Variants in MYH9 observed in about 807,000 individuals in gnomAD.
The protein encoded by MYH9 is myosin-9.
A neutral mutation model predicts 241.9 loss-of-function variants in MYH9; 29 were observed. That is an observed-to-expected ratio of 0.12 (90% CI 0.09 to 0.16). The LOEUF (loss-of-function observed/expected upper bound fraction) is 0.16, where lower values mean the gene tolerates loss of function less well. MYH9 is among the 10% of genes least tolerant of loss of function. MYH9 has a pLI of 1.00. For synonymous variants in MYH9, 1,047 were observed against 1,062.6 expected (o/e 0.99, Z 0.29); for missense variants, 1,803 against 2,595.5 (o/e 0.69, Z 6.63).
At chr22:36,328,232 A>ACTAT (rs1452079279) in intron 3 of MYH9, among the ~76,000 whole-genome samples, 1 of 152,238 alleles carries the variant, frequency 6.6e-6, no homozygotes, top group African/African-American at 2.4e-5. Flanking sequence ...ACTTTCAGCA[A>ACTAT]CTATCAACAG....
chr22:36,316,763 C>T (rs1384393474), intron 11 of MYH9, 94 bp from the exon 12 acceptor site: 23 of 1,485,348 alleles, frequency 1.5e-5, no homozygotes, highest in Non-Finnish European at 2.1e-5. Flanking sequence ...TAGAGTCCTC[C>T]CCCTAGAGGA....
At chr22:36,357,787 T>C (rs1397608917) in intron 1 of MYH9, among the ~76,000 whole-genome samples, 1 of 152,188 alleles carries the variant, frequency 6.6e-6, no homozygotes, top group Non-Finnish European at 1.5e-5. Context: ...CACCAAGGAA[T>C]GACAGCTCCT....
At position 36,285,791 on chromosome 22, in the gene MYH9, G is replaced by A. The variant is rs773882578; in HGVS notation, c.5151-10C>T. On this transcript the variant is annotated splice_polypyrimidine_tract_variant and intron_variant, in intron 36 of 40. Transcript: ENST00000216181. This position sits in a 1 kb window ranked among gnomAD's most constrained non-coding sequence, Gnocchi z 7.0. Reference sequence around the variant, plus strand: ...CTCTAACGCCAGGGCTCTGCGGGGTGGGCGGGAGAAGTGAGGGGCCTACCC... The same window carrying A: ...CTCTAACGCCAGGGCTCTGCGGGGTAGGCGGGAGAAGTGAGGGGCCTACCC... 1.2e-6 allele frequency: 2 copies of A among 1,609,848 alleles called. No homozygotes were observed. Among genetic ancestry groups the A allele is most frequent in the East Asian group, 2.2e-5 (1 of 44,640 alleles).
chr22:36,307,750 T>C (rs2016994176), intron 15 of MYH9, among the ~76,000 whole-genome samples: 1 of 152,072 alleles, frequency 6.6e-6, no homozygotes. Context: ...TAGCTGGGCG[T>C]GGTGGCGGGT....
intron 1 of MYH9, chr22:36,365,176 T>C (rs151169793): frequency 2.6e-5 from 4 of 152,322 alleles, no homozygotes; most frequent in African/African-American, 9.6e-5. Context: ...AATGAGTCAG[T>C]CACAGACGCT....
At chr22:36,289,465 G>A (rs1228690741) in intron 31 of MYH9, among the ~76,000 whole-genome samples, 168 bp from the exon 32 acceptor site, 2 of 152,232 alleles carry the variant, frequency 1.3e-5, no homozygotes, top group South Asian at 2.1e-4. Context: ...ACACAGTCCC[G>A]TGCATCCTCA....
chr22:36,356,383 C>A (rs994888962), intron 1 of MYH9, among the ~76,000 whole-genome samples: 1 of 151,362 alleles, frequency 6.6e-6, no homozygotes, highest in African/African-American at 2.4e-5. Context: ...GAGTTTGAGA[C>A]CAGCCTGGCC....
chr22:36,354,799 A>G (rs1178751689), intron 1 of MYH9, among the ~76,000 whole-genome samples: 2 of 152,094 alleles, frequency 1.3e-5, no homozygotes, highest in Non-Finnish European at 2.9e-5. Context: ...GGGAGAAAAG[A>G]ACATACAAAC....
chr22:36,302,669 C>A lies in MYH9; in HGVS notation c.2398G>T (p.Ala800Ser), dbSNP rs780787641. Residue 800 changes from alanine to serine, a missense_variant, in exon 20 of 41, where the codon GCC becomes TCC. Around this residue, in one of 11 missense-constraint regions of MYH9, gnomAD observed 72 missense variants for 83.3 expected, o/e 0.86. Coordinates refer to ENST00000216181, the MANE Select transcript of MYH9 (RefSeq NM_002473.6). ...GCGGTAAGCTGCTGCTGCCGCTTGG[C>A]AAATGCTCTGTGTGGTGAGGAACAT... ...CRGYLARKAF[A>S]KRQQQLTAMK... is the part of the protein sequence containing the mutation. The A allele has an allele frequency of 7.6e-5, 123 of 1,613,044 alleles. No homozygotes were observed. Among genetic ancestry groups the A allele is most frequent in the Non-Finnish European group, 9.5e-5 (112 of 1,179,684 alleles).
intron 1 of MYH9, among the ~76,000 whole-genome samples, chr22:36,370,876 C>A (rs2018080645): frequency 6.6e-6 from 1 of 152,070 alleles, no homozygotes; most frequent in Non-Finnish European, 1.5e-5. Context: ...GGAAGAAGGG[C>A]AGGAGGGGCA....
rs2016731848 is a variant in MYH9, at chr22:36,293,041, A to G, written c.4095+288T>C. On this transcript the variant is annotated intron_variant, in intron 30 of 40. Coordinates refer to ENST00000216181, the MANE Select transcript of MYH9 (RefSeq NM_002473.6). The surrounding 1 kb of genome is among the most constrained non-coding windows in gnomAD (Gnocchi z 5.1). ...TGACGGCACAGGGACTGCCACCACC[A>G]TGGCTTGCTGCCTACATCCATAATG... Among the ~76,000 whole-genome samples, 5 of 152,340 alleles carry G rather than the reference A, an allele frequency of 3.3e-5. No individual in the cohort carries two copies. The South Asian group carries it at 1.0e-3, about 32-fold the overall frequency.
chr22:36,369,388 C>T (rs1006538606), intron 1 of MYH9, among the ~76,000 whole-genome samples: 6 of 152,228 alleles, frequency 3.9e-5, no homozygotes, highest in Admixed American at 2.0e-4. Flanking sequence ...CCCACCTCCC[C>T]CTCGCCCTGG....
rs984119701 is a variant in MYH9 at position 36,348,338 on chromosome 22, G to A, written c.333+566C>T. On this transcript the variant is annotated intron_variant, in intron 2 of 40. Transcript: ENST00000216181. ...AGCCTCGCCAACATGGTGAAACCCC[G>A]TCTCTACTAAAAATACAAAAATCAG... 2.0e-5 allele frequency among the ~76,000 whole-genome samples: 3 copies of A among 150,684 alleles called. No homozygotes were observed. The East Asian group carries it at 5.8e-4, about 29-fold the overall frequency.
intron 2 of MYH9, among the ~76,000 whole-genome samples, chr22:36,343,854 G>A (rs1479060292): frequency 6.6e-6 from 1 of 152,204 alleles, no homozygotes; most frequent in Non-Finnish European, 1.5e-5. Flanking sequence ...GGTCACCCCA[G>A]GAGCTCAGAA....
chr22:36,324,488 A>T (rs1462241755), intron 5 of MYH9, among the ~76,000 whole-genome samples: 1 of 152,244 alleles, frequency 6.6e-6, no homozygotes, highest in East Asian at 1.9e-4. Flanking sequence ...ATCTGCCTGG[A>T]AAGCCCCTTG....
intron 3 of MYH9, among the ~76,000 whole-genome samples, chr22:36,332,661 T>TAAAAA (rs67602880): frequency 0.037 from 1,647 of 44,498 alleles, 238 homozygotes; most frequent in African/African-American, 0.15. Flanking sequence ...TCTGGATAAT[T>TAAAAA]AAAAAAAAAA....
chr22:36,324,602 TC>T (rs2017306741), intron 5 of MYH9, among the ~76,000 whole-genome samples: 1 of 152,250 alleles, frequency 6.6e-6, no homozygotes. Flanking sequence ...GAGGGTCAAC[TC>T]GGTCACTGCA....
At chr22:36,311,153 T>TA (rs1221944890) in intron 14 of MYH9, among the ~76,000 whole-genome samples, 1 of 152,204 alleles carries the variant, frequency 6.6e-6, no homozygotes, top group Non-Finnish European at 1.5e-5. Flanking sequence ...AATTAACTGT[T>TA]AGGGTCTTTG....
intron 1 of MYH9, among the ~76,000 whole-genome samples, chr22:36,379,132 C>T (rs1461261598): frequency 6.6e-6 from 1 of 152,146 alleles, no homozygotes; most frequent in South Asian, 2.1e-4. Context: ...AGAAGAAAGG[C>T]TCTTCTTTCT....
Sources: allele counts gnomAD v4.1 joint callset (sites outside exome capture counted in the v4.1 genomes callset), GRCh38; gene constraint gnomAD v4.1.1; regional missense constraint gnomAD v4.1.1; non-coding constraint Gnocchi (gnomAD v3.1); transcripts MANE v1.5; gene names NCBI Gene and HGNC (gene_info 2026-07-23, HGNC 2026-07-21).